Variants in SNX8 observed in about 807,000 individuals in gnomAD.
SNX8 encodes the protein sorting nexin-8.
Under a neutral mutation model 51.6 loss-of-function variants are expected in SNX8, and 25 were observed. That is an observed-to-expected ratio of 0.48 (90% CI 0.35 to 0.68). The LOEUF is 0.68. Among genes scored for constraint, SNX8 ranks in the 30% least tolerant of loss-of-function variants. The pLI, the probability that SNX8 is intolerant of heterozygous loss-of-function variation, is 0.00. For missense variants in SNX8, 695 were observed against 624.0 expected, an observed-to-expected ratio of 1.11 and a Z score of -1.21; for synonymous variants, 324 against 277.0, an observed-to-expected ratio of 1.17 and a Z score of -1.68.
chr7:2,328,950 T>G (rs1233553787), intron 1 of SNX8, among the ~76,000 whole-genome samples: 3 of 151,894 alleles, frequency 2.0e-5, no homozygotes, highest in Non-Finnish European at 4.4e-5. Context: ...GCCGGGCGTG[T>G]TGGCGGGTGC....
Position 2,340,335 on chromosome 7 carries a change from G to T in SNX8, c.-66+13887C>A, listed in dbSNP as rs1778898447. ...GATCTGCCCACCTTGGCCTCCCAAA[G>T]TGCTGGGATTACAGGCGTGACCCAC... On this transcript the variant is annotated intron_variant, in intron 1 of 5. Transcript: ENST00000435336. Among the ~76,000 whole-genome samples the T allele has an allele frequency of 2.7e-5, 4 of 150,440 alleles. No homozygotes were observed. In the South Asian group the frequency reaches 8.4e-4, roughly 32 times the overall value.
intron 1 of SNX8, among the ~76,000 whole-genome samples, chr7:2,334,869 GAAAAAA>G (rs71023399): frequency 1.2e-5 from 1 of 80,106 alleles, no homozygotes; most frequent in Admixed American, 1.6e-4. Context: ...GCCCATCTCT[GAAAAAA>G]AAAAAAAAAA....
At chr7:2,346,814 G>A (rs1250759267) in intron 1 of SNX8, among the ~76,000 whole-genome samples, 1 of 149,190 alleles carries the variant, frequency 6.7e-6, no homozygotes, top group African/African-American at 2.5e-5. Context: ...CAAGTACTCA[G>A]GAGGCTGAGT....
intron 1 of SNX8, among the ~76,000 whole-genome samples, chr7:2,295,592 CAAAAAAAAA>C (rs147853805): frequency 1.1e-5 from 1 of 93,562 alleles, no homozygotes; most frequent in African/African-American, 4.8e-5. Context: ...GTAATCCCAG[CAAAAAAAAA>C]AAAAAAAAAA....
At chr7:2,284,128 C>T (rs1157755906) in intron 1 of SNX8, among the ~76,000 whole-genome samples, 1 of 152,124 alleles carries the variant, frequency 6.6e-6, no homozygotes, top group Non-Finnish European at 1.5e-5. Context: ...TGGGGTTTCA[C>T]CATGTTGTCC....
At chr7:2,296,626 G>A (rs753011437) in intron 1 of SNX8, among the ~76,000 whole-genome samples, 6 of 151,894 alleles carry the variant, frequency 4.0e-5, no homozygotes, top group African/African-American at 9.7e-5. Context: ...TTAATGTGAT[G>A]TAACATTAAG....
intron 1 of SNX8, among the ~76,000 whole-genome samples, chr7:2,339,821 G>T (rs1318758439): frequency 6.6e-6 from 1 of 152,058 alleles, no homozygotes; most frequent in Non-Finnish European, 1.5e-5. Flanking sequence ...AGAACACGTA[G>T]ATTTATTTTT....
chr7:2,280,546 T>C (rs1358332108), intron 1 of SNX8, among the ~76,000 whole-genome samples: 5 of 152,150 alleles, frequency 3.3e-5, no homozygotes, highest in African/African-American at 1.2e-4. Flanking sequence ...ATTTTCCTGA[T>C]TATTAAGATA....
rs1479513007 is a variant in SNX8 at position 2,347,467 on chromosome 7, CAAGATGCTGTCTCAAAAA to C, written c.-66+6737_-66+6754del. On this transcript the variant is annotated intron_variant, in intron 1 of 5. Transcript: ENST00000435336. ...CTGCACTCCAGCTTGGGCGACAGAG[CAAGATGCTGTCTCAAAAA>C]AAAAAAAAAAAAAAGAAAAAAAAAA... Among the ~76,000 whole-genome samples the C allele has an allele frequency of 1.8e-4, 17 of 96,944 alleles. No homozygotes were observed. In the East Asian group the frequency reaches 6.2e-3, roughly 36 times the overall value. The allele number at this position is 96,944 out of a possible 152,430, so 63.6% of individuals were successfully genotyped here.
upstream of SNX8, among the ~76,000 whole-genome samples, chr7:2,314,642 A>G (rs2115215581): frequency 6.6e-6 from 1 of 152,218 alleles, no homozygotes; most frequent in African/African-American, 2.4e-5. Context: ...CCACGTGGAC[A>G]CGGAGCCTGC....
chr7:2,310,092 T>C (rs1200034316), intron 1 of SNX8: 1 of 333,798 alleles, frequency 3.0e-6, no homozygotes, highest in Non-Finnish European at 6.1e-6. Flanking sequence ...CAGGACTGTA[T>C]ACGGCAGAGC....
At chr7:2,279,324 G>A (rs574955737) in intron 1 of SNX8, among the ~76,000 whole-genome samples, 12 of 150,038 alleles carry the variant, frequency 8.0e-5, no homozygotes, top group African/African-American at 2.0e-4. Flanking sequence ...CTACGGAGTC[G>A]ACGCTGGACT....
In SNX8 at chr7:2,303,087, C is replaced by T. The variant is rs1286304827; in HGVS notation, c.94+11241G>A. ...GGTCAGCCCCCCACCCGGCCAGCCG[C>T]CCCGTCCGGGAGGGAGGTGGGGGGG... On this transcript the variant is annotated intron_variant, in intron 1 of 10. Coordinates refer to ENST00000222990, the MANE Select transcript of SNX8 (RefSeq NM_013321.4). 2.7e-3 allele frequency among the ~76,000 whole-genome samples: 408 copies of T among 149,030 alleles called. 6 individuals are homozygous for T. Among genetic ancestry groups the T allele is most frequent in the African/African-American group, 9.6e-3 (387 of 40,470 alleles).
rs367574886 is a variant in SNX8, at chr7:2,346,917, G to A, written c.-66+7305C>T. Among the ~76,000 whole-genome samples the A allele has an allele frequency of 5.3e-4, 64 of 120,772 alleles. 1 individual carries two copies. The South Asian group carries it at 0.013, about 25-fold the overall frequency. 79.2% of individuals were successfully genotyped at this position (120,772 alleles called of 152,430 possible). A position where few individuals can be genotyped will look rare whatever the true frequency, so the allele number is the denominator to read the frequency against. ...CCTGGGCGACAGAGATTGAGACTCC[G>A]TCTCAAAAAAAAAAAAAAAAAAAAG... is the stretch of plus-strand genomic sequence containing the variant. On this transcript the variant is annotated intron_variant, in intron 1 of 5. Transcript: ENST00000435336.
At chr7:2,313,360 T>C (rs1796697231) in intron 1 of SNX8, among the ~76,000 whole-genome samples, 1 of 151,376 alleles carries the variant, frequency 6.6e-6, no homozygotes, top group South Asian at 2.1e-4. Flanking sequence ...ACTCCGTCTC[T>C]ACTAAAAATA....
intron 3 of SNX8, among the ~76,000 whole-genome samples, chr7:2,272,855 C>T (rs541287496): frequency 1.3e-4 from 19 of 151,928 alleles, no homozygotes; most frequent in African/African-American, 4.3e-4. Flanking sequence ...TTTTTTGAGA[C>T]GGAGTTTCAC....
At chr7:2,257,700 G>C (rs1795224974) in intron 8 of SNX8, 35 bp downstream of exon 8, 1 of 1,606,290 alleles carries the variant, frequency 6.2e-7, no homozygotes, top group Non-Finnish European at 8.5e-7. Context: ...ATTCCTGAAA[G>C]TTCTGCCCCC....
intron 3 of SNX8, among the ~76,000 whole-genome samples, chr7:2,272,551 T>C (rs1029395548): frequency 3.3e-5 from 5 of 151,780 alleles, no homozygotes; most frequent in Admixed American, 1.3e-4. Flanking sequence ...AATTTTTGTA[T>C]TTTTAGTAGA....
chr7:2,258,562 G>A (rs1242991768), intron 7 of SNX8, among the ~76,000 whole-genome samples: 1 of 152,178 alleles, frequency 6.6e-6, no homozygotes, highest in Non-Finnish European at 1.5e-5. Context: ...CGCCCAGGAG[G>A]GGCACGGAGG....
Sources: allele counts gnomAD v4.1 joint callset (sites outside exome capture counted in the v4.1 genomes callset), GRCh38; gene constraint gnomAD v4.1.1; transcripts MANE v1.5; gene names NCBI Gene and HGNC (gene_info 2026-07-23, HGNC 2026-07-21).